Variants in TAF6 observed in about 807,000 individuals in gnomAD.
TAF6 encodes the protein transcription initiation factor TFIID subunit 6.
TAF6 carries 50 observed loss-of-function variants against 73.5 expected under a neutral mutation model. That is an observed-to-expected ratio of 0.68 (90% CI 0.54 to 0.86). The LOEUF (loss-of-function observed/expected upper bound fraction) is 0.86, where lower values mean the gene tolerates loss of function less well. TAF6 is among the 40% of genes least tolerant of loss of function. The pLI, the probability that TAF6 is intolerant of heterozygous loss-of-function variation, is 0.00. For synonymous variants in TAF6, 424 were observed against 376.7 expected (o/e 1.13, Z -1.45); for missense variants, 768 against 899.5 (o/e 0.85, Z 1.87).
chr7:100,111,095 T>G, intron 10 of TAF6, 44 bp downstream of exon 10: 2 of 1,591,574 alleles, frequency 1.3e-6, no homozygotes, highest in Non-Finnish European at 1.7e-6. Flanking sequence ...CAACCAGAGG[T>G]GGCCAGTGAT....
At chr7:100,124,525 G>A, upstream of TAF6, 1 of 1,612,438 alleles carries the variant, frequency 6.2e-7, no homozygotes, top group South Asian at 1.1e-5. Context: ...GTGAGACCAT[G>A]TTGGAGGAGT....
At position 100,113,907 on chromosome 7, in the gene TAF6, G is replaced by A. The variant is rs1797445502; in HGVS notation, c.204C>T (p.Thr68=). The change falls in exon 3 of 15, where the codon ACC becomes ACT. Residue 68 remains threonine (T), a synonymous_variant. Transcript: ENST00000453269. ...MHMGKRQKLT[T]SDIDYALKLK... is the part of the protein sequence containing the mutation. ...GCTTCAAGGCGTAGTCAATGTCACT[G>A]GTGGTGAGCTTCTGCCGCTTCCCCA... The A allele has an allele frequency of 6.2e-7, 1 of 1,613,786 alleles. No homozygotes were observed. The highest frequency in any genetic ancestry group is 1.3e-5 in the African/African-American group (1 of 74,786).
rs769557221 is a variant in TAF6 at position 100,107,473 on chromosome 7, C to T, written c.1807G>A (p.Val603Ile). The change falls in exon 15 of 15, where the codon GTC (valine) becomes ATC (isoleucine). Residue 603 changes from valine (V) to isoleucine (I), a missense_variant. Val to Ile is a conservative substitution (Grantham distance 29). This residue lies in a region of TAF6 where 350 missense variants were observed against 352.3 expected (regional missense o/e 0.99). Coordinates refer to ENST00000453269, the MANE Select transcript of TAF6 (RefSeq NM_139315.3). ...PSTAPSGPGSVQKYIVVSLPP... is the reference protein window; with the variant it reads ...PSTAPSGPGSIQKYIVVSLPP... ...AGTGAGACCACGATGTACTTCTGGA[C>T]ACTCCCAGGACCAGAGGGAGCAGTG... is the stretch of plus-strand genomic sequence containing the variant. The T allele has an allele frequency of 6.2e-7, 1 of 1,613,854 alleles. No homozygotes were observed. Among genetic ancestry groups the T allele is most frequent in the Non-Finnish European group, 8.5e-7 (1 of 1,179,822 alleles).
upstream of TAF6, chr7:100,119,557 C>A (rs868743039): frequency 5.0e-6 from 7 of 1,394,560 alleles, no homozygotes; most frequent in Non-Finnish European, 5.7e-6. Flanking sequence ...CTTCAAGAGG[C>A]GCCACAAAAC....
upstream of TAF6, chr7:100,124,639 T>TG (rs760161046): frequency 6.2e-7 from 1 of 1,612,204 alleles, no homozygotes; most frequent in Non-Finnish European, 8.5e-7. Flanking sequence ...CTGGTAAGCG[T>TG]AAGGGTTGAA....
chr7:100,123,311 C>T (rs906851744), upstream of TAF6, among the ~76,000 whole-genome samples: 1 of 151,296 alleles, frequency 6.6e-6, no homozygotes, highest in Non-Finnish European at 1.5e-5. Flanking sequence ...CATTGCACTC[C>T]AGCCAGGGCG....
At position 100,113,962 on chromosome 7, in the gene TAF6, C is replaced by T. The variant is rs751394879; in HGVS notation, c.157-8G>A. ...CATGAACTTCAAGGCATCCTGGGGT[C>T]GGTGACAGAACAGACATCAGCCCAA... On this transcript the variant is annotated splice_region_variant and splice_polypyrimidine_tract_variant and intron_variant, in intron 2 of 14. Coordinates refer to ENST00000453269, the MANE Select transcript of TAF6 (RefSeq NM_139315.3). The T allele has an allele frequency of 1.4e-5, 23 of 1,614,036 alleles. No individual in the cohort carries two copies. Among genetic ancestry groups the T allele is most frequent in the South Asian group, 5.5e-5 (5 of 91,048 alleles).
Position 100,111,696 on chromosome 7 carries a change from C to T in TAF6, c.900+32G>A, listed in dbSNP as rs1160790563. ...TGTTGGTGGCAGCAGGGTCCCTAGT[C>T]CCTGGAAGGGAGGATGGGCAGGATC... On this transcript the variant is annotated intron_variant, in intron 9 of 14. Transcript: ENST00000453269. 5.0e-6 allele frequency: 8 copies of T among 1,608,436 alleles called. No homozygotes were observed. In the Admixed American group the frequency reaches 1.2e-4, roughly 23 times the overall value.
the TAF6 span, chr7:100,124,952 C>T: frequency 6.6e-7 from 1 of 1,509,432 alleles, no homozygotes; most frequent in East Asian, 2.3e-5. Flanking sequence ...CCTGCACTCT[C>T]CCTGCTCCAC....
At chr7:100,125,538 C>T in the TAF6 span, 1 of 152,162 alleles carries the variant, frequency 6.6e-6, no homozygotes, top group African/African-American at 2.4e-5. Flanking sequence ...CAAACAACAG[C>T]CGGGCACACA....
upstream of TAF6, chr7:100,122,566 A>C (rs752516359): frequency 2.3e-5 from 37 of 1,608,844 alleles, no homozygotes; most frequent in Non-Finnish European, 3.1e-5. Context: ...GGGCTCACTG[A>C]GATATGCCAA....
upstream of TAF6, among the ~76,000 whole-genome samples, chr7:100,124,187 T>C (rs1427577346): frequency 1.3e-5 from 2 of 151,736 alleles, no homozygotes; most frequent in African/African-American, 2.4e-5. Flanking sequence ...CCATCACTTA[T>C]TGAGCACCTA....
upstream of TAF6, chr7:100,122,053 A>AAG: frequency 2.1e-6 from 1 of 486,094 alleles, no homozygotes; most frequent in East Asian, 4.6e-5. Context: ...CCGTCTGAAA[A>AAG]AAAAAAAAAA....
rs749176510 is a variant in TAF6 at position 100,107,627 on chromosome 7, G to A, written c.1657-4C>T. On this transcript the variant is annotated splice_region_variant and splice_polypyrimidine_tract_variant and intron_variant, in intron 14 of 14. Transcript: ENST00000453269. ...CCGAGGTGCTGAGGGACAGGACCTG[G>A]ATAGAAAGGAAAGGCAGGCCGCTTG... is the stretch of plus-strand genomic sequence containing the variant. 1 of 1,610,404 alleles carries A rather than the reference G, an allele frequency of 6.2e-7. No individual in the cohort carries two copies. The highest frequency in any genetic ancestry group is 8.5e-7 in the Non-Finnish European group (1 of 1,178,898).
the TAF6 span, chr7:100,124,989 C>G: frequency 7.4e-7 from 1 of 1,354,014 alleles, no homozygotes; most frequent in Non-Finnish European, 1.0e-6. Context: ...TTATGAGTGA[C>G]TCCACCCAAG....
At chr7:100,126,928 CG>C in the TAF6 span, 1 of 156,682 alleles carries the variant, frequency 6.4e-6, no homozygotes, top group African/African-American at 2.4e-5. Context: ...GTGAAGGCGC[CG>C]GAACTACAGC....
chr7:100,123,202 C>T (rs964378783), upstream of TAF6, among the ~76,000 whole-genome samples: 3 of 151,836 alleles, frequency 2.0e-5, no homozygotes, highest in African/African-American at 2.4e-5. Flanking sequence ...GTTAGCTGGG[C>T]GTGGTGGTGC....
At chr7:100,122,399 G>GCTC (rs1562939301), upstream of TAF6, 2 of 1,613,922 alleles carry the variant, frequency 1.2e-6, no homozygotes, top group Non-Finnish European at 8.5e-7. Flanking sequence ...AGTCCTTCGT[G>GCTC]CTCCTCCCCT....
upstream of TAF6, chr7:100,119,712 C>T (rs778158272): frequency 2.5e-6 from 4 of 1,614,028 alleles, no homozygotes; most frequent in Non-Finnish European, 3.4e-6. Context: ...AAGTTGAAGG[C>T]AAGCGGTGAT....
Sources: allele counts gnomAD v4.1 joint callset (sites outside exome capture counted in the v4.1 genomes callset), GRCh38; gene constraint gnomAD v4.1.1; regional missense constraint gnomAD v4.1.1; transcripts MANE v1.5; gene names NCBI Gene and HGNC (gene_info 2026-07-23, HGNC 2026-07-21).